Variants in FRMD3 observed in about 807,000 individuals in gnomAD.
FRMD3 encodes the protein FERM domain containing 3.
A neutral mutation model predicts 70.2 loss-of-function variants in FRMD3; 33 were observed. The ratio of observed to expected loss-of-function variants is 0.47; its 90% confidence interval spans 0.36 to 0.63. The LOEUF (loss-of-function observed/expected upper bound fraction) is 0.63. Ranked by LOEUF, FRMD3 falls within the 20% of genes least tolerant of loss-of-function variation. The pLI is 0.00. For synonymous variants in FRMD3, 279 were observed against 255.9 expected (o/e 1.09, Z -0.86); for missense variants, 632 against 711.4 (o/e 0.89, Z 1.27).
intron 1 of FRMD3, among the ~76,000 whole-genome samples, chr9:83,430,459 CAA>C (rs1175969668): frequency 1.3e-5 from 2 of 152,170 alleles, no homozygotes; most frequent in African/African-American, 2.4e-5. Context: ...GTGCAGATGA[CAA>C]AGACCTAAGG....
chr9:83,452,940 C>T (rs1329653483), intron 1 of FRMD3, among the ~76,000 whole-genome samples: 1 of 150,674 alleles, frequency 6.6e-6, no homozygotes, highest in African/African-American at 2.5e-5. Context: ...CTGCAGCCTC[C>T]GCCTCTCAGG....
chr9:83,502,841 TA>T (rs909301633), intron 1 of FRMD3, among the ~76,000 whole-genome samples: 1 of 152,166 alleles, frequency 6.6e-6, no homozygotes, highest in African/African-American at 2.4e-5. Context: ...ACAGAAACAC[TA>T]AACACTGATT....
At chr9:83,402,646 G>C (rs1825980680) in intron 1 of FRMD3, among the ~76,000 whole-genome samples, 1 of 152,068 alleles carries the variant, frequency 6.6e-6, no homozygotes, top group African/African-American at 2.4e-5. Flanking sequence ...TTATATACAT[G>C]CAGCCTTAAT....
At chr9:83,522,746 G>T (rs979371008) in intron 1 of FRMD3, among the ~76,000 whole-genome samples, 2 of 151,856 alleles carry the variant, frequency 1.3e-5, no homozygotes, top group South Asian at 4.2e-4. Context: ...TGTATTTTTA[G>T]TAGAGACGGG....
intron 2 of FRMD3, among the ~76,000 whole-genome samples, chr9:83,376,706 G>A (rs910255852): frequency 1.9e-4 from 28 of 150,726 alleles, no homozygotes; most frequent in Non-Finnish European, 2.1e-4. Context: ...CTCCCAAAGT[G>A]CTAGGATTAC....
the FRMD3 span, among the ~76,000 whole-genome samples, chr9:83,573,955 G>A: frequency 6.6e-6 from 1 of 152,120 alleles, no homozygotes; most frequent in African/African-American, 2.4e-5. Context: ...CTGTAAGCGT[G>A]TGATTAAAAA....
At chr9:83,523,264 G>A (rs1457288943) in intron 1 of FRMD3, among the ~76,000 whole-genome samples, 1 of 152,084 alleles carries the variant, frequency 6.6e-6, no homozygotes, top group Non-Finnish European at 1.5e-5. Flanking sequence ...GGGTGGGTTG[G>A]TGGGTGAGTG....
At chr9:83,417,089 A>T (rs771552806) in intron 1 of FRMD3, among the ~76,000 whole-genome samples, 31 of 152,212 alleles carry the variant, frequency 2.0e-4, no homozygotes, top group Admixed American at 3.9e-4. Flanking sequence ...CTTGAACAAT[A>T]GAGCATTGAA....
At chr9:83,284,061 A>ATTTTTTT (rs71365307) in intron 13 of FRMD3, among the ~76,000 whole-genome samples, 5 of 101,674 alleles carry the variant, frequency 4.9e-5, no homozygotes, top group Non-Finnish European at 8.1e-5. Context: ...CTAGGATGTT[A>ATTTTTTT]TTTTTTTTTT....
chr9:83,559,877 T>C, the FRMD3 span, among the ~76,000 whole-genome samples: 4 of 152,066 alleles, frequency 2.6e-5, no homozygotes, highest in African/African-American at 9.7e-5. Context: ...AGTTTAATAC[T>C]TGTTCAATAT....
intron 6 of FRMD3, among the ~76,000 whole-genome samples, chr9:83,319,292 T>C (rs913252156): frequency 2.0e-5 from 3 of 152,322 alleles, no homozygotes; most frequent in African/African-American, 7.2e-5. Flanking sequence ...TTCCTAGGTT[T>C]TCTTCTAGGA....
At chr9:83,563,728 A>T in the FRMD3 span, among the ~76,000 whole-genome samples, 2 of 152,190 alleles carry the variant, frequency 1.3e-5, no homozygotes, top group Admixed American at 6.5e-5. Context: ...GCCAGGAAGA[A>T]GATGTCTTTC....
chr9:83,365,393 A>G (rs1383580984), intron 3 of FRMD3, among the ~76,000 whole-genome samples: 3 of 152,112 alleles, frequency 2.0e-5, no homozygotes, highest in Non-Finnish European at 2.9e-5. Flanking sequence ...TATTTATAAG[A>G]CATTTATTTT....
chr9:83,412,761 G>C (rs1409533562), intron 1 of FRMD3, among the ~76,000 whole-genome samples: 6 of 152,222 alleles, frequency 3.9e-5, no homozygotes. Context: ...TTGGGAGGCA[G>C]AGGCGGGTGG....
chr9:83,285,203 C>T (rs1256008617), intron 13 of FRMD3, among the ~76,000 whole-genome samples: 1 of 152,192 alleles, frequency 6.6e-6, no homozygotes. Flanking sequence ...CTTGCCATCA[C>T]ATGCACAACA....
intron 5 of FRMD3, 94 bp from the exon 6 acceptor site, chr9:83,335,733 G>C: frequency 1.8e-6 from 2 of 1,111,642 alleles, no homozygotes; most frequent in East Asian, 5.2e-5. Context: ...TCCAAAAGAA[G>C]AGGCTGGAAT....
intron 13 of FRMD3, among the ~76,000 whole-genome samples, chr9:83,267,817 A>G (rs1275757015): frequency 6.6e-6 from 1 of 152,218 alleles, no homozygotes; most frequent in Non-Finnish European, 1.5e-5. Context: ...CTGCACATGT[A>G]TAGCACATCT....
chr9:83,483,683 A>T (rs1828622237), intron 1 of FRMD3, among the ~76,000 whole-genome samples: 2 of 152,088 alleles, frequency 1.3e-5, no homozygotes, highest in African/African-American at 4.8e-5. Flanking sequence ...ACATACTGGG[A>T]CCCCATCACT....
At chr9:83,449,763 C>G (rs1587863857) in intron 1 of FRMD3, among the ~76,000 whole-genome samples, 1 of 152,310 alleles carries the variant, frequency 6.6e-6, no homozygotes, top group Admixed American at 6.5e-5. Context: ...GACTTGATCT[C>G]AGAAGCTCCT....
Sources: allele counts gnomAD v4.1 joint callset (sites outside exome capture counted in the v4.1 genomes callset), GRCh38; gene constraint gnomAD v4.1.1; transcripts MANE v1.5; gene names NCBI Gene and HGNC (gene_info 2026-07-23, HGNC 2026-07-21).